MICAL3: variants seen among roughly 807,000 people sequenced by gnomAD.
The protein encoded by MICAL3 is microtubule associated monooxygenase, calponin and LIM domain containing 3.
MICAL3 carries 62 observed loss-of-function variants against 207.4 expected under a neutral mutation model. The ratio of observed to expected loss-of-function variants is 0.30; its 90% confidence interval spans 0.24 to 0.37. The LOEUF is 0.37. Ranked by LOEUF, MICAL3 falls within the 10% of genes least tolerant of loss-of-function variation. The probability of loss-of-function intolerance (pLI) is 1.00; values close to 1 mark genes in which losing one functional copy is unlikely to be tolerated. For missense variants in MICAL3, 2,368 were observed against 2,635.6 expected (o/e 0.90, Z 2.22); for synonymous variants, 1,077 against 1,069.3 (o/e 1.01, Z -0.14).
intron 25 of MICAL3, among the ~76,000 whole-genome samples, chr22:17,820,842 TA>T (rs1309441958): frequency 2.2e-4 from 33 of 147,240 alleles, no homozygotes; most frequent in African/African-American, 8.1e-4. Flanking sequence ...TATAAATTTA[TA>T]AAAAATAAAT....
rs114720393 is a variant in MICAL3, at chr22:17,788,558, G to C, written c.*2174C>G. ...TGGGAAAGGCCACGCAGGCAGTGAAGGTCTTTTCCCACGTCCAATTTTATG... is the reference window on the plus strand; with the variant it reads ...TGGGAAAGGCCACGCAGGCAGTGAACGTCTTTTCCCACGTCCAATTTTATG... On this transcript the variant is annotated 3_prime_UTR_variant, in exon 32 of 32. Coordinates refer to ENST00000441493, the MANE Select transcript of MICAL3 (RefSeq NM_015241.3). The C allele has an allele frequency of 1.3e-5, 2 of 152,370 alleles. No homozygotes were observed. Among genetic ancestry groups the C allele is most frequent in the East Asian group, 3.9e-4 (2 of 5,182 alleles). 9.4% of individuals were successfully genotyped at this position (152,370 alleles called of 1,614,324 possible).
chr22:17,952,338 T>C (rs1300238195), intron 1 of MICAL3, among the ~76,000 whole-genome samples: 5 of 152,144 alleles, frequency 3.3e-5, no homozygotes, highest in Admixed American at 3.3e-4. Flanking sequence ...TTCATTTCCT[T>C]GAGAAACCTC....
chr22:17,877,234 T>TGGAGGTTATGGAGGTTAG (rs1928733622), intron 16 of MICAL3, among the ~76,000 whole-genome samples: 1 of 34,298 alleles, frequency 2.9e-5, no homozygotes, highest in Admixed American at 3.0e-4. Flanking sequence ...AGGGAGGTTA[T>TGGAGGTTATGGAGGTTAG]GGAGGTTAGG....
chr22:17,881,420 T>C, intron 16 of MICAL3: 1 of 786,470 alleles, frequency 1.3e-6, no homozygotes, highest in Non-Finnish European at 2.1e-6. Flanking sequence ...GGCCTTTCCT[T>C]GCCCCTCCAT....
intron 1 of MICAL3, among the ~76,000 whole-genome samples, chr22:17,970,468 G>C (rs1935358829): frequency 6.6e-6 from 1 of 152,218 alleles, no homozygotes; most frequent in African/African-American, 2.4e-5. Context: ...TCAGATAACA[G>C]AACTCTGCAG....
intron 21 of MICAL3, 37 bp from the exon 22 acceptor site, chr22:17,827,818 G>T: frequency 6.6e-7 from 1 of 1,518,746 alleles, no homozygotes; most frequent in Non-Finnish European, 8.9e-7. Context: ...GAAATGAGGT[G>T]GGGAAGGAGG....
At chr22:17,967,495 C>CT in intron 1 of MICAL3, among the ~76,000 whole-genome samples, 1 of 102,736 alleles carries the variant, frequency 9.7e-6, no homozygotes, top group Admixed American at 9.3e-5. Flanking sequence ...CACACACACC[C>CT]ACACACACCC....
At chr22:17,819,709 G>A (rs1267215689) in intron 25 of MICAL3, among the ~76,000 whole-genome samples, 4 of 152,024 alleles carry the variant, frequency 2.6e-5, no homozygotes, top group Non-Finnish European at 4.4e-5. Flanking sequence ...GGAGGACGAA[G>A]TGGGCAGATC....
chr22:17,887,342 G>A lies in MICAL3; in HGVS notation c.1985C>T (p.Ser662Phe), dbSNP rs1930008737. 1 of 1,613,920 alleles carries A rather than the reference G, an allele frequency of 6.2e-7. No homozygotes were observed. The highest frequency in any genetic ancestry group is 2.2e-5 in the East Asian group (1 of 44,882). The change falls in exon 14 of 32, where the codon TCT (serine) becomes TTT (phenylalanine). Residue 662 changes from serine (S) to phenylalanine (F), a missense_variant. Ser to Phe is a radical substitution (Grantham distance 155, BLOSUM62 -2). This residue lies in a region of MICAL3 where 1,770 missense variants were observed against 1,863.2 expected (regional missense o/e 0.95). Transcript: ENST00000441493. ...SFLSKLGQTI[S>F]RKRSPKDKKE... ...ACATACCTTGGGAGAACGCTTCCGA[G>A]AGATGGTCTGGCCAAGTTTGCTTAG...
intron 19 of MICAL3, among the ~76,000 whole-genome samples, chr22:17,846,426 G>A (rs1352216733): frequency 1.3e-5 from 2 of 149,624 alleles, no homozygotes; most frequent in East Asian, 1.9e-4. Context: ...CAAACACATC[G>A]GAACAATCAG....
chr22:17,881,337 T>C, intron 16 of MICAL3: 2 of 1,546,120 alleles, frequency 1.3e-6, no homozygotes, highest in South Asian at 2.3e-5. Flanking sequence ...AGAGAGAACA[T>C]CATTCAAACA....
In MICAL3 at chr22:17,818,540, T is replaced by C. The variant is rs1427569370; in HGVS notation, c.4121A>G (p.Asp1374Gly). ...AGGCTTGAGAAGGTGGAGTCCCTCA[T>C]CCTGGGGGGACTTTTCAACGGAATA... Reference protein sequence around the residue: ...KSYSVEKSPQDEGLHLLKPLS... With the variant: ...KSYSVEKSPQGEGLHLLKPLS... The change falls in exon 26 of 32, where the codon GAT becomes GGT. Residue 1374 changes from aspartate (D) to glycine (G), a missense_variant. Transcript: ENST00000441493. The C allele has an allele frequency of 3.1e-6, 5 of 1,613,480 alleles. No homozygotes were observed. The highest frequency in any genetic ancestry group is 4.2e-6 in the Non-Finnish European group (5 of 1,179,852).
intron 19 of MICAL3, chr22:17,861,286 G>T (rs1926490472): frequency 1.0e-6 from 1 of 985,040 alleles, no homozygotes; most frequent in African/African-American, 1.8e-5. Flanking sequence ...GAACCTCATG[G>T]TTATCGGGCA....
chr22:17,823,061 C>T lies in MICAL3; in HGVS notation c.3194-1G>A, dbSNP rs898874716. 34 of 1,592,482 alleles carry T rather than the reference C, an allele frequency of 2.1e-5. No homozygotes were observed. Among genetic ancestry groups the T allele is most frequent in the Non-Finnish European group, 2.7e-5 (31 of 1,160,610 alleles). ...TCTAGGTCATTCTCATCCAATGGGG[C>T]TGCAAAGCAGAAAGGTTCAAAGGAA... On this transcript the variant is annotated splice_acceptor_variant, in intron 22 of 31. Transcript: ENST00000441493. LOFTEE classifies it high-confidence loss of function.
At chr22:17,804,143 G>A (rs918179405) in intron 29 of MICAL3, among the ~76,000 whole-genome samples, 13 of 152,138 alleles carry the variant, frequency 8.5e-5, no homozygotes, top group Admixed American at 6.5e-4. Flanking sequence ...ATGATCCCAC[G>A]TACACCAGGG....
intron 16 of MICAL3, chr22:17,884,451 C>T (rs1392138655): frequency 1.1e-6 from 1 of 902,322 alleles, no homozygotes; most frequent in East Asian, 3.0e-5. Flanking sequence ...AGAAAGAACT[C>T]ACAGGCGACA....
intron 1 of MICAL3, among the ~76,000 whole-genome samples, chr22:17,971,793 TG>T (rs1400997944): frequency 6.6e-6 from 1 of 151,908 alleles, no homozygotes; most frequent in African/African-American, 2.4e-5. Flanking sequence ...GCCCTTCAGG[TG>T]GTAATGAAGA....
chr22:17,886,579 C>T (rs1443296781), intron 15 of MICAL3, among the ~76,000 whole-genome samples: 6 of 151,444 alleles, frequency 4.0e-5, no homozygotes, highest in East Asian at 2.0e-4. Flanking sequence ...CCAAGGTGGG[C>T]GGATCACTTG....
At chr22:17,942,640 G>T (rs949964854) in intron 1 of MICAL3, among the ~76,000 whole-genome samples, 3 of 152,310 alleles carry the variant, frequency 2.0e-5, no homozygotes, top group South Asian at 4.1e-4. Flanking sequence ...ACTGCTGTAG[G>T]GCCACTGCGG....
Sources: allele counts gnomAD v4.1 joint callset (sites outside exome capture counted in the v4.1 genomes callset), GRCh38; gene constraint gnomAD v4.1.1; regional missense constraint gnomAD v4.1.1; transcripts MANE v1.5; gene names NCBI Gene and HGNC (gene_info 2026-07-23, HGNC 2026-07-21).